The following CSMD1 variants were observed in gnomAD, a reference collection of about 807,000 sequenced individuals.
CSMD1 encodes CUB and Sushi multiple domains 1.
CSMD1 carries 213 observed loss-of-function variants against 417.5 expected under a neutral mutation model. The observed-to-expected ratio is 0.51, with a 90% CI of 0.46 to 0.57. The LOEUF (loss-of-function observed/expected upper bound fraction) is 0.57, where lower values mean the gene tolerates loss of function less well. CSMD1 is among the 20% of genes least tolerant of loss of function. The pLI is 0.00. For synonymous variants in CSMD1, 2,862 were observed against 1,736.8 expected (o/e 1.65, Z -16.11); for missense variants, 6,923 against 4,529.7 (o/e 1.53, Z -15.17).
intron 1 of CSMD1, among the ~76,000 whole-genome samples, chr8:4,909,337 G>C (rs1336624018): frequency 6.6e-6 from 1 of 151,986 alleles, no homozygotes; most frequent in Non-Finnish European, 1.5e-5. Flanking sequence ...TTACCTCCTT[G>C]CCTTCTACTA....
chr8:2,992,888 C>G (rs1806522851), intron 54 of CSMD1, among the ~76,000 whole-genome samples: 1 of 151,964 alleles, frequency 6.6e-6, no homozygotes, highest in Admixed American at 6.6e-5. Flanking sequence ...CGGGCATGTA[C>G]CTACCATCGC....
chr8:3,524,730 A>T (rs1456856211), intron 10 of CSMD1, among the ~76,000 whole-genome samples: 1 of 151,646 alleles, frequency 6.6e-6, no homozygotes, highest in African/African-American at 2.4e-5. Context: ...GCACACACAC[A>T]CATGCACACC....
At chr8:4,814,246 G>C (rs79114709) in intron 1 of CSMD1, among the ~76,000 whole-genome samples, 1 of 152,174 alleles carries the variant, frequency 6.6e-6, no homozygotes, top group Admixed American at 6.5e-5. Context: ...GTGCGCGTGT[G>C]TGTATGTGTG....
chr8:4,550,326 C>A (rs1467863857), intron 2 of CSMD1, among the ~76,000 whole-genome samples: 1 of 138,360 alleles, frequency 7.2e-6, no homozygotes, highest in Admixed American at 7.3e-5. Context: ...AGCATACACA[C>A]ACGCACACAC....
At chr8:3,956,911 C>A (rs559388060) in intron 5 of CSMD1, among the ~76,000 whole-genome samples, 1 of 152,148 alleles carries the variant, frequency 6.6e-6, no homozygotes, top group South Asian at 2.1e-4. Context: ...TTGTTGCAAA[C>A]ACTAAAGGCT....
At chr8:3,898,118 T>G (rs1467484028) in intron 5 of CSMD1, among the ~76,000 whole-genome samples, 1 of 152,166 alleles carries the variant, frequency 6.6e-6, no homozygotes, top group South Asian at 2.1e-4. Flanking sequence ...TCTCACCATA[T>G]AGCAGAGTTT....
At chr8:3,281,889 C>A (rs559893862) in intron 26 of CSMD1, among the ~76,000 whole-genome samples, 1 of 152,036 alleles carries the variant, frequency 6.6e-6, no homozygotes, top group Non-Finnish European at 1.5e-5. Flanking sequence ...TAGTACCATC[C>A]CCCAGTGCTG....
chr8:4,721,891 G>A (rs1407053850), intron 1 of CSMD1, among the ~76,000 whole-genome samples: 2 of 152,188 alleles, frequency 1.3e-5, no homozygotes, highest in South Asian at 4.1e-4. Flanking sequence ...TGAAACTGAA[G>A]GGCATTATGT....
intron 5 of CSMD1, among the ~76,000 whole-genome samples, chr8:3,789,996 G>A (rs867809632): frequency 1.3e-5 from 2 of 152,140 alleles, no homozygotes; most frequent in Non-Finnish European, 2.9e-5. Flanking sequence ...CTCCCAAAGT[G>A]CTGGGATTAC....
chr8:3,590,583 A>T (rs1037842353), intron 8 of CSMD1, among the ~76,000 whole-genome samples: 2 of 152,318 alleles, frequency 1.3e-5, no homozygotes, highest in Admixed American at 6.5e-5. Flanking sequence ...TATAGAACAC[A>T]TTCCATAATT....
At chr8:3,971,734 C>T (rs1335021752) in intron 5 of CSMD1, among the ~76,000 whole-genome samples, 1 of 152,114 alleles carries the variant, frequency 6.6e-6, no homozygotes, top group African/African-American at 2.4e-5. Context: ...CGTAGACCAC[C>T]AAGGCCGATG....
chr8:4,314,592 G>T (rs1270676437), intron 3 of CSMD1, among the ~76,000 whole-genome samples: 1 of 110,506 alleles, frequency 9.0e-6, no homozygotes, highest in Non-Finnish European at 1.8e-5. Flanking sequence ...GCTACTGGTT[G>T]TATTACATTT....
chr8:4,405,218 C>T (rs1343567111), intron 3 of CSMD1, among the ~76,000 whole-genome samples: 1 of 152,122 alleles, frequency 6.6e-6, no homozygotes, highest in Non-Finnish European at 1.5e-5. Flanking sequence ...GAGACTAACC[C>T]GTGGTTTTGC....
At chr8:4,626,185 C>A (rs751305015) in intron 2 of CSMD1, among the ~76,000 whole-genome samples, 1 of 152,140 alleles carries the variant, frequency 6.6e-6, no homozygotes, top group Non-Finnish European at 1.5e-5. Flanking sequence ...CCAAGGTTTT[C>A]TTTAGCTCAG....
At chr8:3,620,751 G>A (rs1443461702) in intron 7 of CSMD1, among the ~76,000 whole-genome samples, 1 of 151,914 alleles carries the variant, frequency 6.6e-6, no homozygotes, top group Non-Finnish European at 1.5e-5. Context: ...ACAAAGGAGG[G>A]ACAAAAATGC....
At chr8:4,381,543 G>GT (rs1803104698) in intron 3 of CSMD1, among the ~76,000 whole-genome samples, 1 of 152,070 alleles carries the variant, frequency 6.6e-6, no homozygotes, top group Non-Finnish European at 1.5e-5. Flanking sequence ...TAGGGAGGAG[G>GT]TATTTTTGGA....
intron 3 of CSMD1, among the ~76,000 whole-genome samples, chr8:4,400,772 T>TC: frequency 6.6e-6 from 1 of 151,884 alleles, no homozygotes; most frequent in Non-Finnish European, 1.5e-5. Flanking sequence ...TTTTTTTTTT[T>TC]TTTTCCTTTT....
intron 26 of CSMD1, among the ~76,000 whole-genome samples, chr8:3,254,433 T>C (rs981631508): frequency 6.6e-5 from 10 of 152,226 alleles, no homozygotes; most frequent in South Asian, 2.1e-4. Flanking sequence ...CCTTGCTAGA[T>C]TGGGGAAGTT....
chr8:4,379,914 C>G (rs968152539), intron 3 of CSMD1, among the ~76,000 whole-genome samples: 1 of 152,216 alleles, frequency 6.6e-6, no homozygotes, highest in Non-Finnish European at 1.5e-5. Context: ...TGGACGTGAA[C>G]TCCATGAGCG....
Sources: gnomAD v4.1 joint callset for allele counts (sites outside exome capture counted in the v4.1 genomes callset) on GRCh38, gnomAD v4.1.1 for gene constraint, MANE v1.5 for transcripts, NCBI Gene and HGNC (gene_info 2026-07-23, HGNC 2026-07-21) for gene names.